FAAP20: variants seen among roughly 807,000 people sequenced by gnomAD.
FAAP20 encodes the protein Fanconi anemia core complex-associated protein 20.
Under a neutral mutation model 16.2 loss-of-function variants are expected in FAAP20, and 12 were observed. That is an observed-to-expected ratio of 0.74 (90% CI 0.48 to 1.20). The LOEUF (loss-of-function observed/expected upper bound fraction) is 1.20. Among genes scored for constraint, FAAP20 ranks in the 50% most tolerant of loss-of-function variants. The pLI, the probability that FAAP20 is intolerant of heterozygous loss-of-function variation, is 0.00. For missense variants in FAAP20, 288 were observed against 245.8 expected (o/e 1.17, Z -1.15); for synonymous variants, 141 against 110.7 (o/e 1.27, Z -1.72).
At chr1:2,194,280 TG>T (rs1688616048) in intron 1 of FAAP20, 147 bp from the exon 2 acceptor site, 1 of 588,926 alleles carries the variant, frequency 1.7e-6, no homozygotes, top group Non-Finnish European at 2.1e-6. Context: ...CCGGCAGGGT[TG>T]GGGGAAGGGC....
intron 3 of FAAP20, among the ~76,000 whole-genome samples, chr1:2,206,054 A>G (rs1434933458): frequency 2.0e-5 from 3 of 152,256 alleles, no homozygotes; most frequent in African/African-American, 7.2e-5. Flanking sequence ...CTGGGGCTCC[A>G]TCATTACGTT....
chr1:2,189,823 A>G (rs1169527221), intron 3 of FAAP20, 42 bp from the exon 4 acceptor site: 1 of 1,478,034 alleles, frequency 6.8e-7, no homozygotes, highest in Non-Finnish European at 9.5e-7. Context: ...CCTCCGCGGC[A>G]TGCTGGCCGC....
intron 1 of FAAP20, among the ~76,000 whole-genome samples, chr1:2,207,139 G>A (rs1212548809): frequency 6.6e-6 from 1 of 152,218 alleles, no homozygotes; most frequent in East Asian, 1.9e-4. Flanking sequence ...CCGGTGAGGG[G>A]TGGATGTGAT....
downstream of FAAP20, among the ~76,000 whole-genome samples, chr1:2,209,625 G>A (rs533616131): frequency 5.3e-5 from 8 of 152,360 alleles, 1 homozygote; most frequent in East Asian, 1.9e-4. Context: ...GGGGCTCAGC[G>A]GGGACAGCTG....
downstream of FAAP20, among the ~76,000 whole-genome samples, chr1:2,210,466 G>A (rs751097377): frequency 3.3e-5 from 5 of 152,124 alleles, no homozygotes; most frequent in African/African-American, 9.7e-5. Context: ...TACCCTCCAC[G>A]CCTGCTTTGG....
upstream of FAAP20, chr1:2,198,117 T>G: frequency 1.1e-5 from 14 of 1,291,138 alleles, no homozygotes; most frequent in South Asian, 1.1e-4. Flanking sequence ...TTCGGAGCCA[T>G]CTGCTGCTGT....
chr1:2,197,919 C>G, upstream of FAAP20: 1 of 1,221,752 alleles, frequency 8.2e-7, no homozygotes, highest in Middle Eastern at 2.7e-4. Context: ...AGCTTCCCGA[C>G]AGCTGCCTGC....
chr1:2,186,023 C>T (rs1185203007), downstream of FAAP20: 1 of 441,932 alleles, frequency 2.3e-6, no homozygotes, highest in South Asian at 1.6e-5. Flanking sequence ...GAAGGCACAG[C>T]TGTCCAGAGC....
downstream of FAAP20, chr1:2,185,566 C>G (rs1401932119): frequency 4.2e-6 from 3 of 709,598 alleles, no homozygotes; most frequent in African/African-American, 5.3e-5. Flanking sequence ...CCGGTAAGTT[C>G]CTGTTGTTCT....
upstream of FAAP20, among the ~76,000 whole-genome samples, chr1:2,195,996 G>A (rs1483394576): frequency 2.0e-5 from 3 of 152,180 alleles, no homozygotes; most frequent in Non-Finnish European, 2.9e-5. Context: ...GCTGCAGGCC[G>A]TGTGGTCTCA....
At position 2,189,656 on chromosome 1, in the gene FAAP20, C is replaced by T. The variant is rs893675547; in HGVS notation, c.*53G>A. On this transcript the variant is annotated 3_prime_UTR_variant, in exon 4 of 4. Coordinates refer to ENST00000378546, the MANE Select transcript of FAAP20 (RefSeq NM_182533.4). ...GGGAGCCGAGAGGCGGGGCTGCTGGCGGGGGAGAGCGTGTCCGGGCGCCGC... is the reference window on the plus strand; with the variant it reads ...GGGAGCCGAGAGGCGGGGCTGCTGGTGGGGGAGAGCGTGTCCGGGCGCCGC... 3.1e-5 allele frequency: 46 copies of T among 1,472,978 alleles called. No homozygotes were observed. In the Admixed American group the frequency reaches 3.5e-4, roughly 11 times the overall value. The allele number at this position is 1,472,978 out of a possible 1,614,324, so 91.2% of individuals were successfully genotyped here.
At position 2,194,140 on chromosome 1, in the gene FAAP20, C is replaced by T. The variant is rs754452100; in HGVS notation, c.63-7G>A. 1 of 1,611,802 alleles carries T rather than the reference C, an allele frequency of 6.2e-7. No individual in the cohort carries two copies. Among genetic ancestry groups the T allele is most frequent in the Non-Finnish European group, 8.5e-7 (1 of 1,179,742 alleles). On this transcript the variant is annotated splice_region_variant and splice_polypyrimidine_tract_variant and intron_variant, in intron 1 of 3. Transcript: ENST00000378546. ...GGGGCGGCCGCCAGAAGGCCTGGGG[C>T]AGACAGAGAGGGCAGACAGGGGGTA...
intron 3 of FAAP20, among the ~76,000 whole-genome samples, chr1:2,204,917 C>T (rs1252326700): frequency 1.5e-5 from 2 of 132,214 alleles, no homozygotes; most frequent in African/African-American, 2.9e-5. Flanking sequence ...AAGCCCCCCT[C>T]CCTCCCTTCG....
intron 1 of FAAP20, 113 bp from the exon 2 acceptor site, chr1:2,194,246 G>A: frequency 7.4e-7 from 1 of 1,353,360 alleles, no homozygotes; most frequent in Non-Finnish European, 9.8e-7. Flanking sequence ...GTACTAGAGG[G>A]AAATTCGATG....
upstream of FAAP20, chr1:2,200,801 A>G: frequency 2.0e-6 from 2 of 1,010,446 alleles, no homozygotes; most frequent in Non-Finnish European, 2.4e-6. Flanking sequence ...CCATGGGCCA[A>G]GAGCTGGAAG....
At chr1:2,201,318 G>C, upstream of FAAP20, 1 of 1,003,180 alleles carries the variant, frequency 1.0e-6, no homozygotes, top group Non-Finnish European at 1.2e-6. Context: ...CTGTAGGCTC[G>C]AAGGCACAGC....
At chr1:2,207,238 A>G (rs559112195), downstream of FAAP20, among the ~76,000 whole-genome samples, 5 of 152,166 alleles carry the variant, frequency 3.3e-5, no homozygotes, top group South Asian at 1.0e-3. Context: ...GGGCAGGCCC[A>G]CATGGCCTGT....
downstream of FAAP20, chr1:2,189,459 C>T (rs932980397): frequency 3.6e-6 from 2 of 557,256 alleles, no homozygotes; most frequent in Non-Finnish European, 6.5e-6. Context: ...GGAAAGGGGT[C>T]AGCTTCCCCG....
At chr1:2,186,496 G>GCC (rs59105760), downstream of FAAP20, among the ~76,000 whole-genome samples, 2,438 of 111,536 alleles carry the variant, frequency 0.022, 106 homozygotes, top group Middle Eastern at 0.03. Flanking sequence ...CTGGACACCC[G>GCC]CCCCCCCCCG....
Sources: allele counts gnomAD v4.1 joint callset (sites outside exome capture counted in the v4.1 genomes callset), GRCh38; gene constraint gnomAD v4.1.1; transcripts MANE v1.5; gene names NCBI Gene and HGNC (gene_info 2026-07-23, HGNC 2026-07-21).